The following SCN10A variants were observed in gnomAD, a reference collection of about 807,000 sequenced individuals.
SCN10A encodes sodium channel protein type 10 subunit alpha.
Under a neutral mutation model 170.7 loss-of-function variants are expected in SCN10A, and 162 were observed. The observed-to-expected ratio is 0.95, with a 90% CI of 0.84 to 1.08. The LOEUF (loss-of-function observed/expected upper bound fraction) is 1.08, where lower values mean the gene tolerates loss of function less well. SCN10A is among the 50% of genes least tolerant of loss of function. The pLI is 0.00. For missense variants in SCN10A, 2,527 were observed against 2,436.9 expected, an observed-to-expected ratio of 1.04 and a Z score of -0.78; for synonymous variants, 985 against 904.6, an observed-to-expected ratio of 1.09 and a Z score of -1.59.
chr3:38,720,752 G>A (rs1327388047), intron 20 of SCN10A, among the ~76,000 whole-genome samples: 1 of 152,138 alleles, frequency 6.6e-6, no homozygotes, highest in Non-Finnish European at 1.5e-5. Context: ...AGGGAGCAAG[G>A]GAGAGCAGAG....
chr3:38,813,253 G>C (rs994632604), intron 1 of SCN10A, among the ~76,000 whole-genome samples: 1 of 152,034 alleles, frequency 6.6e-6, no homozygotes, highest in Admixed American at 6.6e-5. Context: ...TGAGTACCTC[G>C]GCTCCTCCCT....
chr3:38,811,635 G>A (rs73064588), intron 1 of SCN10A, among the ~76,000 whole-genome samples: 19,946 of 152,000 alleles, frequency 0.13, 1,450 homozygotes, highest in African/African-American at 0.18. Context: ...GTCTGATTTA[G>A]CATCAAAACA....
chr3:38,814,684 T>C (rs999554915), intron 1 of SCN10A, among the ~76,000 whole-genome samples: 1 of 152,252 alleles, frequency 6.6e-6, no homozygotes, highest in Non-Finnish European at 1.5e-5. Context: ...AACATGCTAA[T>C]GTTTCAATTT....
chr3:38,729,792 C>A (rs2063496483), intron 15 of SCN10A, among the ~76,000 whole-genome samples: 1 of 152,220 alleles, frequency 6.6e-6, no homozygotes, highest in South Asian at 2.1e-4. Context: ...AAGAGCCAGG[C>A]TGTGGCTTAG....
At chr3:38,718,038 C>T (rs62242434) in intron 21 of SCN10A, among the ~76,000 whole-genome samples, 32,821 of 152,124 alleles carry the variant, frequency 0.22, 4,016 homozygotes, top group East Asian at 0.4. Context: ...TCTCCAAATG[C>T]GCCCTCTGTT....
Position 38,726,811 on chromosome 3 carries a change from T to A in SCN10A, c.2882A>T (p.His961Leu). ...CCCCCTGGCAGTGTTGGCAGCAATG[T>A]GGTTCTCAGCCTTGGAGCTGGAGAG... The part of the protein sequence containing the change: ...LPLSSSKAEN[H>L]IAANTARGSS... The change falls in exon 17 of 28, where the codon CAC becomes CTC. Residue 961 changes from histidine (H) to leucine (L), a missense_variant. Transcript: ENST00000449082. 6.2e-6 allele frequency: 10 copies of A among 1,612,034 alleles called. No homozygotes were observed. The highest frequency in any genetic ancestry group is 8.5e-6 in the Non-Finnish European group (10 of 1,178,254).
rs770389881 is a variant in SCN10A, at chr3:38,761,227, A to G, written c.848T>C (p.Val283Ala). The G allele has an allele frequency of 2.5e-6, 4 of 1,608,780 alleles. No individual in the cohort carries two copies. The highest frequency in any genetic ancestry group is 2.6e-6 in the Non-Finnish European group (3 of 1,176,268). ...AGATGAGTAGTTGGTTGTCTCATTG[A>G]CAGCCATGTCATTCTTGACACATTT... ...KNKCVKNDMA[V>A]NETTNYSSHR... Residue 283 changes from valine (V) to alanine (A), a missense_variant, in exon 7 of 28, where the codon GTC (valine) becomes GCC (alanine). By Grantham distance (64) the Val-to-Ala change is moderately conservative. Coordinates refer to ENST00000449082, the MANE Select transcript of SCN10A (RefSeq NM_006514.4).
At chr3:38,808,244 CT>C (rs915023353) in intron 1 of SCN10A, among the ~76,000 whole-genome samples, 1 of 55,030 alleles carries the variant, frequency 1.8e-5, no homozygotes, top group Admixed American at 1.8e-4. Flanking sequence ...TTCACACATG[CT>C]TTTTTCTCTC....
chr3:38,707,196 C>T (rs993594325), intron 26 of SCN10A, 83 bp downstream of exon 26: 95 of 1,439,842 alleles, frequency 6.6e-5, no homozygotes, highest in Non-Finnish European at 6.8e-5. Context: ...ACAGCACTCC[C>T]TCAGGCCCCT....
chr3:38,788,505 G>A (rs2064236753), intron 4 of SCN10A, among the ~76,000 whole-genome samples: 1 of 151,740 alleles, frequency 6.6e-6, no homozygotes, highest in Non-Finnish European at 1.5e-5. Flanking sequence ...TTTGTTCTTA[G>A]TTCTGTCTCA....
intron 8 of SCN10A, among the ~76,000 whole-genome samples, chr3:38,760,291 A>T (rs1261663765): frequency 6.6e-6 from 1 of 152,232 alleles, no homozygotes; most frequent in Admixed American, 6.5e-5. Context: ...GGCCCAGGCT[A>T]ACCTGTTTGG....
chr3:38,741,154 A>G (rs1444899329), intron 14 of SCN10A, among the ~76,000 whole-genome samples: 2 of 152,140 alleles, frequency 1.3e-5, no homozygotes, highest in African/African-American at 4.8e-5. Context: ...TGCAGCCTAT[A>G]AGAAGCTGGA....
At chr3:38,715,751 C>T (rs1041695547) in intron 21 of SCN10A, among the ~76,000 whole-genome samples, 1 of 152,220 alleles carries the variant, frequency 6.6e-6, no homozygotes, top group African/African-American at 2.4e-5. Context: ...TTGCCCCCAG[C>T]AGTGCTCAAC....
intron 21 of SCN10A, among the ~76,000 whole-genome samples, chr3:38,716,588 A>G (rs558365277): frequency 2.0e-5 from 3 of 152,338 alleles, no homozygotes; most frequent in Non-Finnish European, 2.9e-5. Flanking sequence ...TATCAGCAGC[A>G]TGAAAATAGA....
chr3:38,779,002 T>C (rs1182353371), intron 4 of SCN10A, among the ~76,000 whole-genome samples: 2 of 152,052 alleles, frequency 1.3e-5, no homozygotes, highest in African/African-American at 4.8e-5. Flanking sequence ...TTACTGGGAA[T>C]GGAAAGGATC....
rs910509739 is a variant in SCN10A, at chr3:38,711,316, AGAAGACCTCCAT to A, written c.4090-431_4090-420del. ...TCTTCCAGATGGAGAAGTTGAGAAT[AGAAGACCTCCAT>A]GTTCCTGCCTTCAGCTTTAGCATTC... On this transcript the variant is annotated intron_variant, in intron 23 of 27. Coordinates refer to ENST00000449082, the MANE Select transcript of SCN10A (RefSeq NM_006514.4). Among the ~76,000 whole-genome samples the A allele has an allele frequency of 7.2e-5, 11 of 152,354 alleles. No individual in the cohort carries two copies. The East Asian group carries it at 1.5e-3, about 21-fold the overall frequency.
chr3:38,703,803 G>A (rs2063182029), intron 26 of SCN10A, among the ~76,000 whole-genome samples: 1 of 152,122 alleles, frequency 6.6e-6, no homozygotes, highest in South Asian at 2.1e-4. Flanking sequence ...TAACATATAT[G>A]TGCAACTTTT....
intron 23 of SCN10A, among the ~76,000 whole-genome samples, chr3:38,711,207 G>A (rs1229556501): frequency 6.6e-6 from 1 of 152,216 alleles, no homozygotes; most frequent in Non-Finnish European, 1.5e-5. Flanking sequence ...TCTGCTCTGT[G>A]CACTTGCCTA....
chr3:38,698,017 G>C lies in SCN10A; in HGVS notation c.5203C>G (p.Pro1735Ala), dbSNP rs1325931730. 2 of 1,614,152 alleles carry C rather than the reference G, an allele frequency of 1.2e-6. No homozygotes were observed. Among genetic ancestry groups the C allele is most frequent in the Non-Finnish European group, 8.5e-7 (1 of 1,180,036 alleles). The change falls in exon 28 of 28, where the codon CCC becomes GCC. Residue 1735 changes from proline (P) to alanine (A), a missense_variant. Pro to Ala is a conservative substitution (Grantham distance 27). Coordinates refer to ENST00000449082, the MANE Select transcript of SCN10A (RefSeq NM_006514.4). ...ATGTCAAAGTCGTCCTCACTCAGGGGCTCAGTGCTCTCCTCCGTGGCCACA... is the reference window on the plus strand; with the variant it reads ...ATGTCAAAGTCGTCCTCACTCAGGGCCTCAGTGCTCTCCTCCGTGGCCACA... ...FNVATEESTE[P>A]LSEDDFDMFY...
Sources: allele counts gnomAD v4.1 joint callset (sites outside exome capture counted in the v4.1 genomes callset), GRCh38; gene constraint gnomAD v4.1.1; transcripts MANE v1.5; gene names NCBI Gene and HGNC (gene_info 2026-07-23, HGNC 2026-07-21).